CSRNP2: variants seen among roughly 807,000 people sequenced by gnomAD.
CSRNP2 encodes cysteine/serine-rich nuclear protein 2.
A neutral mutation model predicts 36.6 loss-of-function variants in CSRNP2; 11 were observed. That is an observed-to-expected ratio of 0.30 (90% CI 0.19 to 0.50). The LOEUF (loss-of-function observed/expected upper bound fraction) is 0.50. CSRNP2 is among the 20% of genes least tolerant of loss of function. The pLI, the probability that CSRNP2 is intolerant of heterozygous loss-of-function variation, is 0.98. For synonymous variants in CSRNP2, 248 were observed against 275.3 expected, an observed-to-expected ratio of 0.90 and a Z score of 0.98; for missense variants, 483 against 691.4, an observed-to-expected ratio of 0.70 and a Z score of 3.38.
In CSRNP2 at chr12:51,063,965, A is replaced by G; in HGVS notation, c.1413T>C (p.Cys471=). The stretch of plus-strand genomic sequence containing the variant: ...TGGGTGTTTTCCCCACCTCTGATTT[A>G]CAGAGGGCAGCTGGGTCTGTGGAGC... ...ACSSTDPAAL[C]KSEVGKTPTL... is the part of the protein sequence containing the mutation. Residue 471 remains cysteine, a synonymous_variant, in exon 5 of 5, where the codon TGT becomes TGC. Coordinates refer to ENST00000228515, the MANE Select transcript of CSRNP2 (RefSeq NM_030809.3). 3 of 1,613,230 alleles carry G rather than the reference A, an allele frequency of 1.9e-6. No homozygotes were observed. The highest frequency in any genetic ancestry group is 2.5e-6 in the Non-Finnish European group (3 of 1,179,256).
rs1938476173 is a variant in CSRNP2 at position 51,067,153 on chromosome 12, A to G, written c.708+520T>C. Among the ~76,000 whole-genome samples, 1 of 151,780 alleles carries G rather than the reference A, an allele frequency of 6.6e-6. No individual in the cohort carries two copies. The highest frequency in any genetic ancestry group is 2.4e-5 in the African/African-American group (1 of 41,308). The stretch of plus-strand genomic sequence containing the variant: ...GTCCTGCTTCCTTTTATCTCAAGGA[A>G]TCAGTATTTAGGAAACAGTATTTAG... On this transcript the variant is annotated intron_variant, in intron 4 of 4. Coordinates refer to ENST00000228515, the MANE Select transcript of CSRNP2 (RefSeq NM_030809.3). This position sits in a 1 kb window ranked among gnomAD's most constrained non-coding sequence, Gnocchi z 4.1.
chr12:51,071,533 G>C (rs1258592576), intron 3 of CSRNP2, among the ~76,000 whole-genome samples: 1 of 152,132 alleles, frequency 6.6e-6, no homozygotes, highest in Non-Finnish European at 1.5e-5. Flanking sequence ...GGGAGGCTGA[G>C]GTGGGAGGAT....
intron 1 of CSRNP2, among the ~76,000 whole-genome samples, chr12:51,078,546 G>A (rs903636802): frequency 6.6e-6 from 1 of 152,122 alleles, no homozygotes; most frequent in Non-Finnish European, 1.5e-5. Context: ...GCTTTTTATG[G>A]GTTAAGATTT....
chr12:51,067,658 C>A lies in CSRNP2; in HGVS notation c.708+15G>T, dbSNP rs199881663. On this transcript the variant is annotated intron_variant, in intron 4 of 4. Coordinates refer to ENST00000228515, the MANE Select transcript of CSRNP2 (RefSeq NM_030809.3). The surrounding 1 kb of genome is among the most constrained non-coding windows in gnomAD (Gnocchi z 4.1). ...CCTGGTGTAGATATACTATCTCAGG[C>A]CAACTTGGACTGACCTGGCATTTAA... The A allele has an allele frequency of 2.9e-4, 459 of 1,608,914 alleles. No homozygotes were observed. Among genetic ancestry groups the A allele is most frequent in the Non-Finnish European group, 3.6e-4 (429 of 1,176,708 alleles).
rs200138781 is a variant in CSRNP2 at position 51,067,973 on chromosome 12, C to T, written c.412-4G>A. On this transcript the variant is annotated splice_region_variant and splice_polypyrimidine_tract_variant and intron_variant, in intron 3 of 4. Transcript: ENST00000228515. The surrounding 1 kb of genome is among the most constrained non-coding windows in gnomAD (Gnocchi z 4.1). Reference sequence around the variant, plus strand: ...CCACTGTCCCATTCTTGGTCAGCTGCCAAGAGACAGGAAAGGTTAGCCTCA... The same window carrying T: ...CCACTGTCCCATTCTTGGTCAGCTGTCAAGAGACAGGAAAGGTTAGCCTCA... 8 of 1,611,594 alleles carry T rather than the reference C, an allele frequency of 5.0e-6. No individual in the cohort carries two copies. Among genetic ancestry groups the T allele is most frequent in the Non-Finnish European group, 5.9e-6 (7 of 1,178,222 alleles).
At chr12:51,071,920 G>A (rs1012048219) in intron 3 of CSRNP2, among the ~76,000 whole-genome samples, 2 of 152,174 alleles carry the variant, frequency 1.3e-5, no homozygotes. Flanking sequence ...CAGAGGAAAG[G>A]GAAGCCTGAA....
At position 51,067,770 on chromosome 12, in the gene CSRNP2, C is replaced by T. The variant is rs1938551851; in HGVS notation, c.611G>A (p.Arg204Gln). The T allele has an allele frequency of 2.5e-6, 4 of 1,614,188 alleles. No homozygotes were observed. The highest frequency in any genetic ancestry group is 2.2e-5 in the East Asian group (1 of 44,888). ...TTCTTCCCGTGACAGGCGGATGGCT[C>T]GAAGTTCTTGCTTCTCTTCAGCATC... ...RIDAEEKQEL[R>Q]AIRLSREECG... Residue 204 changes from arginine to glutamine, a missense_variant, in exon 4 of 5, where the codon CGA (arginine) becomes CAA (glutamine). Arg to Gln is a conservative substitution (Grantham distance 43, BLOSUM62 1). Coordinates refer to ENST00000228515, the MANE Select transcript of CSRNP2 (RefSeq NM_030809.3). The surrounding 1 kb of genome is among the most constrained non-coding windows in gnomAD (Gnocchi z 4.1).
chr12:51,069,003 T>C (rs998881102), intron 3 of CSRNP2, among the ~76,000 whole-genome samples: 3 of 152,036 alleles, frequency 2.0e-5, no homozygotes, highest in Non-Finnish European at 4.4e-5. Flanking sequence ...TGAGACGGAG[T>C]CTCGCTCTGT....
At chr12:51,066,486 C>T (rs1272222210) in intron 4 of CSRNP2, among the ~76,000 whole-genome samples, 3 of 144,360 alleles carry the variant, frequency 2.1e-5, no homozygotes, top group Non-Finnish European at 4.5e-5. Flanking sequence ...TACAACAATA[C>T]AACAATTAGC....
At chr12:51,080,072 C>CAAAAAAAAAA (rs1173559322) in intron 1 of CSRNP2, among the ~76,000 whole-genome samples, 1 of 54,988 alleles carries the variant, frequency 1.8e-5, no homozygotes, top group African/African-American at 7.2e-5. Flanking sequence ...GACTCTGTCT[C>CAAAAAAAAAA]AAAAAAAAAA....
chr12:51,076,376 T>C, intron 2 of CSRNP2, 35 bp downstream of exon 2: 1 of 1,605,390 alleles, frequency 6.2e-7, no homozygotes, highest in Non-Finnish European at 8.5e-7. Context: ...GCTTGGGGAA[T>C]GTGGGTATAG....
At chr12:51,071,025 G>A (rs1268080990) in intron 3 of CSRNP2, among the ~76,000 whole-genome samples, 1 of 152,140 alleles carries the variant, frequency 6.6e-6, no homozygotes, top group African/African-American at 2.4e-5. Flanking sequence ...ACTTTGGGAG[G>A]CCGAGGCGGG....
In CSRNP2 at chr12:51,067,082, C is replaced by T. The variant is rs181948703; in HGVS notation, c.708+591G>A. 9.9e-5 allele frequency among the ~76,000 whole-genome samples: 15 copies of T among 152,196 alleles called. No homozygotes were observed. The highest frequency in any genetic ancestry group is 3.9e-4 in the Admixed American group (6 of 15,278). On this transcript the variant is annotated intron_variant, in intron 4 of 4. Transcript: ENST00000228515. The surrounding 1 kb of genome is among the most constrained non-coding windows in gnomAD (Gnocchi z 4.1). ...TGGGAAGCAATCTGCCTGCCTGCCT[C>T]GGCCTCCCAAAGTGCTGGGATTACA...
At chr12:51,074,477 C>G (rs1164285877) in intron 2 of CSRNP2, among the ~76,000 whole-genome samples, 1 of 152,174 alleles carries the variant, frequency 6.6e-6, no homozygotes, top group Non-Finnish European at 1.5e-5. Flanking sequence ...TCTCATCCAT[C>G]TAGGCTCTCA....
At position 51,074,054 on chromosome 12, in the gene CSRNP2, C is replaced by T; in HGVS notation, c.180G>A (p.Gln60=). 6.2e-7 allele frequency: 1 copy of T among 1,614,202 alleles called. No individual in the cohort carries two copies. The highest frequency in any genetic ancestry group is 8.5e-7 in the Non-Finnish European group (1 of 1,180,018). ...TPTSILKRQK[Q]LRRKNVRFDQ... ...CAAAGCGTACATTCTTCCTCCGCAG[C>T]TGCTTCTGCCGCTTCAGGATGGATG... Residue 60 remains glutamine (Q), a synonymous_variant, in exon 3 of 5, where the codon CAG becomes CAA. Coordinates refer to ENST00000228515, the MANE Select transcript of CSRNP2 (RefSeq NM_030809.3).
chr12:51,080,153 CAGGCAGGCAGGCAGGCA>C (rs1159638725), intron 1 of CSRNP2, among the ~76,000 whole-genome samples: 3 of 135,862 alleles, frequency 2.2e-5, no homozygotes, highest in African/African-American at 8.2e-5. Context: ...GGCAGGCAGG[CAGGCAGGCAGGCAGGCA>C]GGCAGGCGGT....
At chr12:51,078,175 C>T (rs1939469755) in intron 1 of CSRNP2, among the ~76,000 whole-genome samples, 1 of 152,220 alleles carries the variant, frequency 6.6e-6, no homozygotes, top group African/African-American at 2.4e-5. Flanking sequence ...GAGATGCCTG[C>T]TACAGAGCTG....
At chr12:51,068,341 A>C (rs1938618292) in intron 3 of CSRNP2, among the ~76,000 whole-genome samples, 1 of 152,110 alleles carries the variant, frequency 6.6e-6, no homozygotes, top group African/African-American at 2.4e-5. Context: ...CAGTAAAGAC[A>C]GGGTTTCACT....
intron 3 of CSRNP2, among the ~76,000 whole-genome samples, chr12:51,070,858 G>A (rs1404462205): frequency 6.6e-6 from 1 of 152,106 alleles, no homozygotes; most frequent in African/African-American, 2.4e-5. Context: ...AAACAGGCCT[G>A]GTGCAGTGGC....
Sources: allele counts gnomAD v4.1 joint callset (sites outside exome capture counted in the v4.1 genomes callset), GRCh38; gene constraint gnomAD v4.1.1; non-coding constraint Gnocchi (gnomAD v3.1); transcripts MANE v1.5; gene names NCBI Gene and HGNC (gene_info 2026-07-23, HGNC 2026-07-21).